The following LTBP2 variants were observed in gnomAD, a reference collection of about 807,000 sequenced individuals.
LTBP2 encodes the protein latent-transforming growth factor beta-binding protein 2.
LTBP2 carries 103 observed loss-of-function variants against 210.6 expected under a neutral mutation model. The ratio of observed to expected loss-of-function variants is 0.49; its 90% CI spans 0.42 to 0.58. The LOEUF (loss-of-function observed/expected upper bound fraction) is 0.58, where lower values mean the gene tolerates loss of function less well. Among genes scored for constraint, LTBP2 ranks in the 20% least tolerant of loss-of-function variants. LTBP2 has a pLI of 0.00. For missense variants in LTBP2, 2,313 were observed against 2,494.5 expected (o/e 0.93, Z 1.55); for synonymous variants, 1,007 against 1,015.0 (o/e 0.99, Z 0.15).
chr14:74,499,363 A>AAAC lies in LTBP2; in HGVS notation c.*1518_*1520dup, dbSNP rs565536636. On this transcript the variant is annotated 3_prime_UTR_variant, in exon 36 of 36. Coordinates refer to ENST00000261978, the MANE Select transcript of LTBP2 (RefSeq NM_000428.3). ...GTTTCCTCACCTGTAAATTGAGAAT[A>AAAC]AACAATAGTAAGTAGGATTATTGGA... 3.7e-4 allele frequency: 82 copies of AAAC among 222,918 alleles called. No individual in the cohort carries two copies. The highest frequency in any genetic ancestry group is 1.7e-3 in the African/African-American group (75 of 44,924). The allele number at this position is 222,918 out of a possible 1,614,324, so 13.8% of individuals were successfully genotyped here. A position where few individuals can be genotyped will look rare whatever the true frequency, so the allele number is the denominator to read the frequency against.
At chr14:74,554,816 T>C (rs1317779251) in intron 4 of LTBP2, among the ~76,000 whole-genome samples, 2 of 152,108 alleles carry the variant, frequency 1.3e-5, no homozygotes, top group African/African-American at 4.8e-5. Context: ...GTTATGTGAA[T>C]TCCACTTCAA....
intron 15 of LTBP2, 67 bp from the exon 16 acceptor site, chr14:74,522,985 G>T: frequency 1.3e-6 from 2 of 1,570,762 alleles, no homozygotes; most frequent in Non-Finnish European, 1.7e-6. Flanking sequence ...GTGGAGCGGG[G>T]TGGGGACAGT....
intron 2 of LTBP2, among the ~76,000 whole-genome samples, chr14:74,601,308 G>A (rs572806464): frequency 1.8e-4 from 28 of 152,300 alleles, no homozygotes; most frequent in Non-Finnish European, 4.0e-4. Context: ...CACTTTGGCA[G>A]GGTGAGGTGG....
chr14:74,572,970 A>G (rs558919174), intron 3 of LTBP2, among the ~76,000 whole-genome samples: 2 of 152,326 alleles, frequency 1.3e-5, no homozygotes, highest in Admixed American at 6.5e-5. Context: ...ACATAGCTAC[A>G]AGCTTGAAAT....
intron 18 of LTBP2, 83 bp from the exon 19 acceptor site, chr14:74,511,447 T>A: frequency 6.4e-7 from 1 of 1,560,570 alleles, no homozygotes; most frequent in Non-Finnish European, 8.8e-7. Context: ...TCCTTGTCCC[T>A]GCCTTTGGTT....
At chr14:74,518,889 A>G (rs1194233549) in intron 17 of LTBP2, among the ~76,000 whole-genome samples, 1 of 152,196 alleles carries the variant, frequency 6.6e-6, no homozygotes, top group Non-Finnish European at 1.5e-5. Context: ...TGGAAGAGAG[A>G]AGGGAACTCA....
chr14:74,580,788 C>T (rs538761705), intron 3 of LTBP2, among the ~76,000 whole-genome samples: 5 of 152,086 alleles, frequency 3.3e-5, no homozygotes, highest in Admixed American at 1.3e-4. Flanking sequence ...GGTGAAACCA[C>T]GTCTATAAAA....
intron 12 of LTBP2, among the ~76,000 whole-genome samples, chr14:74,528,197 T>C (rs891516147): frequency 6.6e-6 from 1 of 152,186 alleles, no homozygotes; most frequent in Non-Finnish European, 1.5e-5. Context: ...GGGCAGGAGA[T>C]GGAGAGGCCT....
At position 74,555,572 on chromosome 14, in the gene LTBP2, CCGGG is replaced by C; in HGVS notation, c.948_951del (p.Pro317AspfsTer25). ...CCATCTCTCTGCTCAAGGCCTGGTC[CCGGG>C]GGCAGGGCGTTGGAAGAGAGCTGGC... is the stretch of plus-strand genomic sequence containing the variant. On this transcript the variant is annotated frameshift_variant, in exon 4 of 36. Coordinates refer to ENST00000261978, the MANE Select transcript of LTBP2 (RefSeq NM_000428.3). LOFTEE classifies it high-confidence loss of function. 1 of 1,612,504 alleles carries C rather than the reference CCGGG, an allele frequency of 6.2e-7. No homozygotes were observed. The highest frequency in any genetic ancestry group is 8.5e-7 in the Non-Finnish European group (1 of 1,179,098).
chr14:74,578,296 C>T (rs1165034544), intron 3 of LTBP2, among the ~76,000 whole-genome samples: 2 of 152,156 alleles, frequency 1.3e-5, no homozygotes, highest in African/African-American at 2.4e-5. Flanking sequence ...TTTATTGGAC[C>T]GACTGTGTGG....
rs137854860 is a variant in LTBP2 at position 74,502,911 on chromosome 14, C to T, written c.4912G>A (p.Val1638Met). Residue 1638 changes from valine to methionine, a missense_variant, in exon 34 of 36, where the codon GTG (valine) becomes ATG (methionine). Physicochemically the swap from Val to Met is conservative, Grantham distance 21. Transcript: ENST00000261978. ...TCCCGCTCTGCCTCAATGCGAGCCACGTTGCACAGCTGAGCATAGACCTCT... is the reference window on the plus strand; with the variant it reads ...TCCCGCTCTGCCTCAATGCGAGCCATGTTGCACAGCTGAGCATAGACCTCT... ...SSEVYAQLCN[V>M]ARIEAEREAG... 1.1e-4 allele frequency: 174 copies of T among 1,612,378 alleles called. No homozygotes were observed. The Middle Eastern group carries it at 1.2e-3, about 11-fold the overall frequency.
At chr14:74,564,378 TA>T (rs1323418176) in intron 3 of LTBP2, among the ~76,000 whole-genome samples, 6 of 90,398 alleles carry the variant, frequency 6.6e-5, no homozygotes, top group Non-Finnish European at 1.2e-4. Context: ...TATATATATA[TA>T]TTTATATTTT....
intron 10 of LTBP2, among the ~76,000 whole-genome samples, chr14:74,530,207 T>C (rs1025319583): frequency 6.6e-6 from 1 of 152,246 alleles, no homozygotes; most frequent in African/African-American, 2.4e-5. Flanking sequence ...CTGACGCCTT[T>C]CTGGCTGAAG....
At chr14:74,598,495 C>G in intron 2 of LTBP2, among the ~76,000 whole-genome samples, 1 of 152,200 alleles carries the variant, frequency 6.6e-6, no homozygotes, top group Admixed American at 6.5e-5. Flanking sequence ...CTTATGGACC[C>G]TTTACCTTGT....
At chr14:74,532,231 A>T (rs1355274645) in intron 10 of LTBP2, among the ~76,000 whole-genome samples, 195 bp downstream of exon 10, 2 of 152,264 alleles carry the variant, frequency 1.3e-5, no homozygotes, top group African/African-American at 4.8e-5. Context: ...AGTAGTAACC[A>T]TCTCTGTTCC....
At chr14:74,511,177 G>A (rs543599111) in intron 19 of LTBP2, 68 bp downstream of exon 19, 68 of 1,609,300 alleles carry the variant, frequency 4.2e-5, no homozygotes, top group Admixed American at 5.0e-5. Flanking sequence ...TTCCCTTTCC[G>A]TGTGTGGGCT....
intron 3 of LTBP2, among the ~76,000 whole-genome samples, chr14:74,564,063 ATATATATATATT>A (rs1288914773): frequency 2.8e-3 from 70 of 24,572 alleles, no homozygotes; most frequent in East Asian, 7.3e-3. Context: ...ATATATATTT[ATATATATATATT>A]TATATATATA....
At chr14:74,591,063 GC>G (rs2088277248) in intron 2 of LTBP2, among the ~76,000 whole-genome samples, 1 of 152,148 alleles carries the variant, frequency 6.6e-6, no homozygotes, top group African/African-American at 2.4e-5. Flanking sequence ...TGTGAGCCAA[GC>G]CCCTACGGCA....
chr14:74,534,391 G>C (rs1321344195), intron 9 of LTBP2, among the ~76,000 whole-genome samples: 1 of 152,210 alleles, frequency 6.6e-6, no homozygotes, highest in Admixed American at 6.5e-5. Context: ...GGACACTCCA[G>C]ACAGCACAAA....
Sources: gnomAD v4.1 joint callset for allele counts (sites outside exome capture counted in the v4.1 genomes callset) on GRCh38, gnomAD v4.1.1 for gene constraint, MANE v1.5 for transcripts, NCBI Gene and HGNC (gene_info 2026-07-23, HGNC 2026-07-21) for gene names.